Variants in DYNC1I2 observed in about 807,000 individuals in gnomAD.
DYNC1I2 encodes the protein dynein cytoplasmic 1 intermediate chain 2.
Under a neutral mutation model 88.6 loss-of-function variants are expected in DYNC1I2, and 53 were observed. The observed-to-expected ratio is 0.60, with a 90% confidence interval of 0.48 to 0.75. The LOEUF (loss-of-function observed/expected upper bound fraction) is 0.75. Among genes scored for constraint, DYNC1I2 ranks in the 30% least tolerant of loss-of-function variants. The probability of loss-of-function intolerance (pLI) is 0.00; values close to 1 mark genes in which losing one functional copy is unlikely to be tolerated. For synonymous variants in DYNC1I2, 198 were observed against 254.6 expected (o/e 0.78, Z 2.12); for missense variants, 458 against 766.6 (o/e 0.60, Z 4.75).
chr2:171,719,104 C>G (rs1207900282), intron 7 of DYNC1I2, among the ~76,000 whole-genome samples: 1 of 152,060 alleles, frequency 6.6e-6, no homozygotes, highest in African/African-American at 2.4e-5. Flanking sequence ...TATGTAAAGG[C>G]ACTAGATTAT....
chr2:171,711,230 T>C (rs900361002), intron 5 of DYNC1I2, among the ~76,000 whole-genome samples: 2 of 152,080 alleles, frequency 1.3e-5, no homozygotes, highest in Non-Finnish European at 2.9e-5. Context: ...CTCGAACTCC[T>C]GACCTCAAGT....
In DYNC1I2 at chr2:171,750,109, A is replaced by C. The variant is rs568819342; in HGVS notation, c.*2220A>C. Among the ~76,000 whole-genome samples, 1 of 152,296 alleles carries C rather than the reference A, an allele frequency of 6.6e-6. No individual in the cohort carries two copies. Among genetic ancestry groups the C allele is most frequent in the Non-Finnish European group, 1.5e-5 (1 of 68,008 alleles). On this transcript the variant is annotated 3_prime_UTR_variant, in exon 18 of 18. Transcript: ENST00000397119. ...AAGTTTATTACCTTCATGTTAAGGAATATCCAGCTTCACAGACAATTAACT... is the reference window on the plus strand; with the variant it reads ...AAGTTTATTACCTTCATGTTAAGGACTATCCAGCTTCACAGACAATTAACT...
intron 4 of DYNC1I2, 32 bp from the exon 5 acceptor site, chr2:171,707,255 A>T (rs1367297069): frequency 6.2e-7 from 1 of 1,613,580 alleles, no homozygotes; most frequent in Non-Finnish European, 8.5e-7. Flanking sequence ...TCCGTGTAGT[A>T]ACAGCGGATA....
intron 3 of DYNC1I2, among the ~76,000 whole-genome samples, chr2:171,701,405 A>G (rs911461339): frequency 6.6e-6 from 1 of 151,750 alleles, no homozygotes; most frequent in Non-Finnish European, 1.5e-5. Context: ...CCTGACCTCA[A>G]GTGATCCACC....
chr2:171,712,182 T>TA (rs1384902139), intron 5 of DYNC1I2, among the ~76,000 whole-genome samples: 14 of 152,202 alleles, frequency 9.2e-5, no homozygotes, highest in African/African-American at 3.4e-4. Context: ...AGGCGGTGCT[T>TA]AACCCATAAA....
intron 1 of DYNC1I2, 140 bp downstream of exon 1, chr2:171,687,767 A>C (rs1685069702): frequency 6.6e-6 from 1 of 152,468 alleles, no homozygotes; most frequent in African/African-American, 2.4e-5. Flanking sequence ...GTGCTTTGGA[A>C]AGCCGCGGAG....
intron 7 of DYNC1I2, among the ~76,000 whole-genome samples, chr2:171,721,543 A>T (rs936602143): frequency 1.2e-4 from 19 of 152,204 alleles, no homozygotes; most frequent in African/African-American, 3.6e-4. Context: ...AATCATTCCT[A>T]TGTAATCTGT....
intron 15 of DYNC1I2, among the ~76,000 whole-genome samples, chr2:171,732,567 T>G (rs1191170601): frequency 3.3e-5 from 5 of 152,218 alleles, no homozygotes; most frequent in African/African-American, 4.8e-5. Context: ...CGTCACAGTT[T>G]CCAAGAACCT....
At position 171,711,762 on chromosome 2, in the gene DYNC1I2, C is replaced by T. The variant is rs1247059567; in HGVS notation, c.336-1005C>T. 3.9e-5 allele frequency among the ~76,000 whole-genome samples: 6 copies of T among 152,002 alleles called. No homozygotes were observed. In the East Asian group the frequency reaches 1.2e-3, roughly 29 times the overall value. ...AAATTATATAGGCAGGTAGAGAAAC[C>T]ATTTGTTGTATTAAAACATTGTAGC... On this transcript the variant is annotated intron_variant, in intron 5 of 17. Transcript: ENST00000397119.
intron 5 of DYNC1I2, among the ~76,000 whole-genome samples, chr2:171,711,057 T>G (rs1484931686): frequency 7.1e-6 from 1 of 140,640 alleles, no homozygotes; most frequent in East Asian, 2.5e-4. Flanking sequence ...TGTGATGTTC[T>G]CCTTCCTATG....
At chr2:171,731,760 G>T (rs1414089935) in intron 15 of DYNC1I2, among the ~76,000 whole-genome samples, 1 of 151,946 alleles carries the variant, frequency 6.6e-6, no homozygotes, top group East Asian at 1.9e-4. Context: ...TCCATGGTGG[G>T]TTCTTGTCTT....
chr2:171,707,058 A>G, intron 4 of DYNC1I2: 1 of 627,700 alleles, frequency 1.6e-6, no homozygotes, highest in Non-Finnish European at 2.7e-6. Context: ...TATAAAGCTC[A>G]AATGCATTTT....
intron 5 of DYNC1I2, among the ~76,000 whole-genome samples, chr2:171,710,120 TATACACACAC>T (rs1043941166): frequency 3.7e-4 from 35 of 95,772 alleles, no homozygotes; most frequent in Non-Finnish European, 5.3e-4. Flanking sequence ...TTTATGTATA[TATACACACAC>T]ACACACACAC....
rs1235116702 is a variant in DYNC1I2 at position 171,745,795 on chromosome 2, A to T, written c.1678-7A>T. ...TTAACACTGTCCTTTATTTTAAATGACTTTAGGTACCAACTGCCAGCATTT... is the reference window on the plus strand; with the variant it reads ...TTAACACTGTCCTTTATTTTAAATGTCTTTAGGTACCAACTGCCAGCATTT... On this transcript the variant is annotated splice_polypyrimidine_tract_variant and splice_region_variant and intron_variant, in intron 16 of 17. Transcript: ENST00000397119. The T allele has an allele frequency of 2.5e-6, 4 of 1,612,208 alleles. No homozygotes were observed. Among genetic ancestry groups the T allele is most frequent in the Non-Finnish European group, 3.4e-6 (4 of 1,178,954 alleles).
chr2:171,723,599 G>A (rs1688041416), intron 7 of DYNC1I2, among the ~76,000 whole-genome samples: 1 of 152,118 alleles, frequency 6.6e-6, no homozygotes, highest in South Asian at 2.1e-4. Flanking sequence ...ATAATTCGTT[G>A]TATATGAGAA....
At chr2:171,721,121 TAAA>T (rs1170082849) in intron 7 of DYNC1I2, among the ~76,000 whole-genome samples, 57 of 60,784 alleles carry the variant, frequency 9.4e-4, no homozygotes, top group African/African-American at 3.4e-3. Context: ...CCCCATCTCT[TAAA>T]AAAAAAAAAA....
chr2:171,695,452 T>G (rs748973373), intron 3 of DYNC1I2, among the ~76,000 whole-genome samples: 1 of 152,190 alleles, frequency 6.6e-6, no homozygotes, highest in Non-Finnish European at 1.5e-5. Flanking sequence ...TTTTCAAGGT[T>G]TCACATATCT....
At chr2:171,723,377 G>A (rs1288530213) in intron 7 of DYNC1I2, among the ~76,000 whole-genome samples, 1 of 152,166 alleles carries the variant, frequency 6.6e-6, no homozygotes, top group Non-Finnish European at 1.5e-5. Context: ...ATAACTGGTA[G>A]CATTAGCAGA....
intron 2 of DYNC1I2, 103 bp from the exon 3 acceptor site, chr2:171,692,674 C>A: frequency 1.4e-6 from 1 of 706,882 alleles, no homozygotes; most frequent in South Asian, 2.2e-5. Context: ...AAACTAAGTT[C>A]ATGCCTTAAA....
Sources: gnomAD v4.1 joint callset for allele counts (sites outside exome capture counted in the v4.1 genomes callset) on GRCh38, gnomAD v4.1.1 for gene constraint, MANE v1.5 for transcripts, NCBI Gene and HGNC (gene_info 2026-07-23, HGNC 2026-07-21) for gene names.